Variants in WWOX observed in about 807,000 individuals in gnomAD.
The protein encoded by WWOX is WW domain-containing oxidoreductase.
WWOX carries 69 observed loss-of-function variants against 46.2 expected under a neutral mutation model. That is an observed-to-expected ratio of 1.49 (90% CI 1.23 to 1.82). The LOEUF (loss-of-function observed/expected upper bound fraction) is 1.82, where lower values mean the gene tolerates loss of function less well. WWOX is among the 40% of genes most tolerant of loss of function. The pLI is 0.00. For synonymous variants in WWOX, 359 were observed against 202.6 expected, an observed-to-expected ratio of 1.77 and a Z score of -6.56; for missense variants, 919 against 542.6, an observed-to-expected ratio of 1.69 and a Z score of -6.89.
intron 8 of WWOX, among the ~76,000 whole-genome samples, chr16:78,500,108 T>A (rs1228064432): frequency 6.6e-6 from 1 of 152,188 alleles, no homozygotes; most frequent in Non-Finnish European, 1.5e-5. Context: ...TTGAGGTTTT[T>A]GGTGTGCCAT....
At chr16:78,626,058 T>A (rs1421527284) in intron 8 of WWOX, among the ~76,000 whole-genome samples, 1 of 151,982 alleles carries the variant, frequency 6.6e-6, no homozygotes, top group African/African-American at 2.4e-5. Flanking sequence ...CATATTGCCT[T>A]AGGTTTTTAA....
chr16:78,562,839 G>A (rs2044471490), intron 8 of WWOX, among the ~76,000 whole-genome samples: 1 of 152,160 alleles, frequency 6.6e-6, no homozygotes, highest in Non-Finnish European at 1.5e-5. Context: ...TCCCTGGTAC[G>A]GAGTCATCAC....
intron 8 of WWOX, among the ~76,000 whole-genome samples, chr16:78,772,042 T>C (rs868733133): frequency 6.6e-5 from 10 of 152,224 alleles, no homozygotes; most frequent in African/African-American, 1.9e-4. Context: ...TGTAATTCTT[T>C]TTTTAACTTT....
At chr16:78,756,981 C>T (rs182750231) in intron 8 of WWOX, 52 of 702,958 alleles carry the variant, frequency 7.4e-5, no homozygotes, top group Non-Finnish European at 1.3e-4. Context: ...CAAGCATACC[C>T]GTGTAGAAGA....
rs960143302 is a variant in WWOX, at chr16:78,372,072, A to G, written c.517-14788A>G. On this transcript the variant is annotated intron_variant, in intron 5 of 8. Coordinates refer to ENST00000566780, the MANE Select transcript of WWOX (RefSeq NM_016373.4). Reference sequence around the variant, plus strand: ...AACTCTAAGTCTCACGGCTATGCCTAATTGTGAAGGAGACTGGGCAATGAA... The same window carrying G: ...AACTCTAAGTCTCACGGCTATGCCTGATTGTGAAGGAGACTGGGCAATGAA... Among the ~76,000 whole-genome samples the G allele has an allele frequency of 5.3e-5, 8 of 152,166 alleles. No homozygotes were observed. In the South Asian group the frequency reaches 6.2e-4, roughly 12 times the overall value.
chr16:78,502,719 T>G (rs553904437), intron 8 of WWOX, among the ~76,000 whole-genome samples: 1 of 152,312 alleles, frequency 6.6e-6, no homozygotes, highest in South Asian at 2.1e-4. Context: ...TCTATGACAC[T>G]GGGCAAGTGT....
intron 8 of WWOX, among the ~76,000 whole-genome samples, chr16:78,458,655 A>G (rs1270260504): frequency 6.6e-6 from 1 of 150,794 alleles, no homozygotes; most frequent in Non-Finnish European, 1.5e-5. Context: ...ATATAAAAGT[A>G]AAAAGAATAT....
In WWOX at chr16:78,350,035, CCTG is replaced by C. The variant is rs1310730293; in HGVS notation, c.517-36822_517-36820del. ...CGTACTGTGTATTATTCTCTAGTAG[CCTG>C]CTTTTTATTGAACTTAATGATAAAT... is the stretch of plus-strand genomic sequence containing the variant. On this transcript the variant is annotated intron_variant, in intron 5 of 8. Coordinates refer to ENST00000566780, the MANE Select transcript of WWOX (RefSeq NM_016373.4). 3.3e-5 allele frequency among the ~76,000 whole-genome samples: 4 copies of C among 121,012 alleles called. 1 individual carries two copies. Among genetic ancestry groups the C allele is most frequent in the African/African-American group, 1.1e-4 (4 of 35,764 alleles). 79.4% of individuals were successfully genotyped at this position (121,012 alleles called of 152,430 possible). A position where few individuals can be genotyped will look rare whatever the true frequency, so the allele number is the denominator to read the frequency against.
intron 8 of WWOX, among the ~76,000 whole-genome samples, chr16:79,049,811 G>A (rs1399932192): frequency 6.7e-6 from 1 of 149,460 alleles, no homozygotes; most frequent in African/African-American, 2.5e-5. Context: ...CACCAGCCTG[G>A]CCGACAGAGT....
chr16:79,030,547 T>A (rs1220510712), intron 8 of WWOX, among the ~76,000 whole-genome samples: 1 of 152,214 alleles, frequency 6.6e-6, no homozygotes, highest in African/African-American at 2.4e-5. Flanking sequence ...CCCTAACAGC[T>A]TGCTGTACCG....
At chr16:78,473,635 T>C (rs997704033) in intron 8 of WWOX, among the ~76,000 whole-genome samples, 2 of 152,188 alleles carry the variant, frequency 1.3e-5, no homozygotes, top group African/African-American at 4.8e-5. Context: ...AAGATGAGAA[T>C]GTTGCCACCA....
At chr16:78,477,390 C>G (rs146765044) in intron 8 of WWOX, among the ~76,000 whole-genome samples, 2 of 151,662 alleles carry the variant, frequency 1.3e-5, no homozygotes, top group Admixed American at 6.6e-5. Flanking sequence ...TTAATTAAAT[C>G]TATTTCTTTT....
At chr16:78,267,740 A>G (rs939801241) in intron 5 of WWOX, among the ~76,000 whole-genome samples, 1 of 151,834 alleles carries the variant, frequency 6.6e-6, no homozygotes, top group Non-Finnish European at 1.5e-5. Flanking sequence ...GTAGTGAGGG[A>G]TAGTATCTGT....
At chr16:78,387,288 T>C (rs1170556261) in intron 6 of WWOX, among the ~76,000 whole-genome samples, 1 of 152,182 alleles carries the variant, frequency 6.6e-6, no homozygotes, top group African/African-American at 2.4e-5. Context: ...TAAGAGTATA[T>C]TTAAATTGCA....
At chr16:78,852,595 T>C (rs2052473548) in intron 8 of WWOX, among the ~76,000 whole-genome samples, 1 of 152,152 alleles carries the variant, frequency 6.6e-6, no homozygotes, top group African/African-American at 2.4e-5. Flanking sequence ...TCAAATCAGC[T>C]AGCTAAGCTG....
At chr16:78,571,924 G>C (rs997284762) in intron 8 of WWOX, among the ~76,000 whole-genome samples, 2 of 152,090 alleles carry the variant, frequency 1.3e-5, no homozygotes, top group South Asian at 2.1e-4. Flanking sequence ...CACCAGATTG[G>C]CAAAACGTTA....
intron 8 of WWOX, among the ~76,000 whole-genome samples, chr16:78,635,139 A>G (rs2046537026): frequency 6.6e-6 from 1 of 152,296 alleles, no homozygotes; most frequent in East Asian, 1.9e-4. Context: ...GCCTAATGCC[A>G]AAACTGTACC....
chr16:78,915,658 G>A lies in WWOX; in HGVS notation c.1057-295950G>A, dbSNP rs1010994362. Among the ~76,000 whole-genome samples the A allele has an allele frequency of 8.0e-5, 12 of 150,444 alleles. No homozygotes were observed. The South Asian group carries it at 1.1e-3, about 13-fold the overall frequency. ...TTGACTCAGAAGATAGTTTCTTACC[G>A]TTTGGGGAAAGTGCTTGTCTATTCC... On this transcript the variant is annotated intron_variant, in intron 8 of 8. Coordinates refer to ENST00000566780, the MANE Select transcript of WWOX (RefSeq NM_016373.4).
chr16:78,231,031 T>G (rs777010719), intron 5 of WWOX, among the ~76,000 whole-genome samples: 30 of 152,256 alleles, frequency 2.0e-4, no homozygotes, highest in Non-Finnish European at 3.7e-4. Flanking sequence ...CTGGATTTTA[T>G]TGGCAATGCC....
Sources: allele counts gnomAD v4.1 joint callset (sites outside exome capture counted in the v4.1 genomes callset), GRCh38; gene constraint gnomAD v4.1.1; transcripts MANE v1.5; gene names NCBI Gene and HGNC (gene_info 2026-07-23, HGNC 2026-07-21).